DGKB: variants seen among roughly 807,000 people sequenced by gnomAD.
DGKB encodes diacylglycerol kinase beta.
A neutral mutation model predicts 114.3 loss-of-function variants in DGKB; 67 were observed. The observed-to-expected ratio is 0.59, with a 90% CI of 0.48 to 0.72. DGKB has a LOEUF of 0.72. Ranked by LOEUF, DGKB falls within the 30% of genes least tolerant of loss-of-function variation. The pLI is 0.00. For synonymous variants in DGKB, 398 were observed against 323.1 expected (o/e 1.23, Z -2.49); for missense variants, 907 against 975.2 (o/e 0.93, Z 0.93).
At chr7:14,422,814 T>C (rs1160191600) in intron 21 of DGKB, among the ~76,000 whole-genome samples, 6 of 151,988 alleles carry the variant, frequency 3.9e-5, no homozygotes, top group Non-Finnish European at 7.4e-5. Flanking sequence ...GTAGTAGTAA[T>C]AAGAAATAAC....
At chr7:14,663,024 A>G (rs1205428509) in intron 13 of DGKB, among the ~76,000 whole-genome samples, 4 of 151,996 alleles carry the variant, frequency 2.6e-5, no homozygotes, top group African/African-American at 9.7e-5. Flanking sequence ...ATTTTCATGA[A>G]TTAACTCATT....
intron 21 of DGKB, among the ~76,000 whole-genome samples, chr7:14,401,065 A>T (rs1307796621): frequency 1.3e-5 from 2 of 151,906 alleles, no homozygotes; most frequent in African/African-American, 4.8e-5. Context: ...TGACTTTATT[A>T]ACCTGATTCT....
intron 1 of DGKB, among the ~76,000 whole-genome samples, chr7:14,888,085 C>T (rs1780598538): frequency 6.6e-6 from 1 of 151,538 alleles, no homozygotes; most frequent in Admixed American, 6.6e-5. Context: ...GACAGAGTTG[C>T]AACAAGGTGT....
intron 20 of DGKB, among the ~76,000 whole-genome samples, chr7:14,531,107 C>A (rs974826599): frequency 1.1e-4 from 17 of 151,450 alleles, no homozygotes; most frequent in Admixed American, 9.2e-4. Flanking sequence ...CTTATCTATT[C>A]CTTAAAAATC....
At chr7:14,235,284 G>A (rs556550196) in intron 23 of DGKB, among the ~76,000 whole-genome samples, 1 of 152,024 alleles carries the variant, frequency 6.6e-6, no homozygotes, top group East Asian at 1.9e-4. Context: ...GTTCTACACT[G>A]CATTTAGAAA....
At chr7:14,956,842 AAAGTC>A (rs1203165401) in intron 1 of DGKB, among the ~76,000 whole-genome samples, 1 of 150,542 alleles carries the variant, frequency 6.6e-6, no homozygotes, top group Non-Finnish European at 1.5e-5. Context: ...ACTAGAGGGA[AAAGTC>A]GTTTCAATTT....
chr7:14,389,345 G>T (rs1256527989), intron 21 of DGKB, among the ~76,000 whole-genome samples: 6 of 152,164 alleles, frequency 3.9e-5, no homozygotes, highest in East Asian at 1.9e-4. Flanking sequence ...AGTCAGCAGG[G>T]TGCATCTGGC....
chr7:14,337,164 T>C (rs754876987), intron 23 of DGKB, among the ~76,000 whole-genome samples: 13 of 152,122 alleles, frequency 8.5e-5, no homozygotes, highest in Non-Finnish European at 1.5e-4. Flanking sequence ...TAATTTTACA[T>C]TTAAATGAAT....
intron 13 of DGKB, among the ~76,000 whole-genome samples, chr7:14,651,534 C>A (rs1451233309): frequency 4.1e-5 from 6 of 145,596 alleles, no homozygotes; most frequent in Admixed American, 1.4e-4. Context: ...AAACCCACAG[C>A]CAATATCATA....
chr7:14,961,782 C>G (rs1409389776), intron 1 of DGKB, among the ~76,000 whole-genome samples: 3 of 152,082 alleles, frequency 2.0e-5, no homozygotes, highest in Admixed American at 6.6e-5. Context: ...CCTACACAAT[C>G]CTGCTTCTTT....
intron 2 of DGKB, among the ~76,000 whole-genome samples, chr7:14,794,478 G>T (rs190048003): frequency 6.6e-6 from 1 of 152,242 alleles, no homozygotes; most frequent in Admixed American, 6.5e-5. Context: ...GACACTGGTT[G>T]GTTGTTCCTG....
chr7:14,580,927 G>A lies in DGKB; in HGVS notation c.1544C>T (p.Pro515Leu), dbSNP rs1227772831. 6.2e-7 allele frequency: 1 copy of A among 1,603,886 alleles called. No homozygotes were observed. The highest frequency in any genetic ancestry group is 8.5e-7 in the Non-Finnish European group (1 of 1,173,096). ...CCCAAGAGGCAGAATCGCAACTGGA[G>A]GATGCTTGCCTACATTGGCCTTTTC... The part of the protein sequence containing the change: ...CIEKANVGKH[P>L]PVAILPLGTG... Residue 515 changes from proline to leucine, a missense_variant, in exon 19 of 26, where the codon CCT (proline) becomes CTT (leucine). Transcript: ENST00000402815.
At position 14,509,683 on chromosome 7, in the gene DGKB, C is replaced by T. The variant is rs912415258; in HGVS notation, c.1771-31458G>A. ...ATAAACCAATAAATCGGGCAGAGCC[C>T]GAGAGCTCTGGGCCGTGAGCAAGCC... On this transcript the variant is annotated intron_variant, in intron 20 of 25. Coordinates refer to ENST00000402815, the MANE Select transcript of DGKB (RefSeq NM_001350709.2). Among the ~76,000 whole-genome samples, 3 of 152,292 alleles carry T rather than the reference C, an allele frequency of 2.0e-5. 1 individual carries two copies. Among genetic ancestry groups the T allele is most frequent in the East Asian group, 3.9e-4 (2 of 5,152 alleles).
chr7:14,443,985 C>T (rs997966070), intron 21 of DGKB, among the ~76,000 whole-genome samples: 2 of 151,752 alleles, frequency 1.3e-5, no homozygotes, highest in East Asian at 3.9e-4. Context: ...ATGTTTTACT[C>T]TATCTTCTGT....
At chr7:14,973,954 C>G (rs1052909967) in intron 1 of DGKB, among the ~76,000 whole-genome samples, 1 of 149,366 alleles carries the variant, frequency 6.7e-6, no homozygotes, top group South Asian at 2.1e-4. Context: ...TTAAAACATA[C>G]TATTTAAAAT....
chr7:14,336,691 T>C (rs1810736590), intron 23 of DGKB, among the ~76,000 whole-genome samples: 1 of 152,128 alleles, frequency 6.6e-6, no homozygotes, highest in Non-Finnish European at 1.5e-5. Context: ...CTGGTTTGTT[T>C]GTAGTTTCTT....
intron 21 of DGKB, among the ~76,000 whole-genome samples, chr7:14,465,546 G>A (rs1344139337): frequency 6.6e-6 from 1 of 152,146 alleles, no homozygotes; most frequent in African/African-American, 2.4e-5. Flanking sequence ...ATATTTGCTA[G>A]ACACTGTTAA....
intron 23 of DGKB, among the ~76,000 whole-genome samples, chr7:14,331,711 A>G (rs946576469): frequency 2.0e-5 from 3 of 152,132 alleles, no homozygotes; most frequent in Admixed American, 6.5e-5. Flanking sequence ...TGGGAGCTAG[A>G]AATCATATTT....
intron 4 of DGKB, among the ~76,000 whole-genome samples, chr7:14,748,405 T>C (rs979177344): frequency 2.0e-5 from 3 of 152,170 alleles, no homozygotes; most frequent in Non-Finnish European, 4.4e-5. Context: ...TGAGTAAAGA[T>C]TTAAAGGTGA....
Sources: allele counts gnomAD v4.1 joint callset (sites outside exome capture counted in the v4.1 genomes callset), GRCh38; gene constraint gnomAD v4.1.1; transcripts MANE v1.5; gene names NCBI Gene and HGNC (gene_info 2026-07-23, HGNC 2026-07-21).